CNNM2: variants seen among roughly 807,000 people sequenced by gnomAD.
CNNM2 encodes cyclin and CBS domain divalent metal cation transport mediator 2.
Under a neutral mutation model 66.9 loss-of-function variants are expected in CNNM2, and 12 were observed. That is an observed-to-expected ratio of 0.18 (90% CI 0.11 to 0.29). The LOEUF is 0.29. Ranked by LOEUF, CNNM2 falls within the 10% of genes least tolerant of loss-of-function variation. The pLI is 1.00. For missense variants in CNNM2, 705 were observed against 1,167.7 expected (o/e 0.60, Z 5.77); for synonymous variants, 557 against 501.8 (o/e 1.11, Z -1.47).
At chr10:102,985,159 C>G (rs1461172706) in intron 1 of CNNM2, among the ~76,000 whole-genome samples, 1 of 151,938 alleles carries the variant, frequency 6.6e-6, no homozygotes, top group Non-Finnish European at 1.5e-5. Context: ...TGTAGGAAAC[C>G]CTGGCAGACC....
chr10:102,944,024 A>G (rs946023459), intron 1 of CNNM2, among the ~76,000 whole-genome samples: 5 of 151,936 alleles, frequency 3.3e-5, no homozygotes, highest in African/African-American at 1.2e-4. Context: ...AAATTAACCT[A>G]CAATTAAAAC....
intron 1 of CNNM2, among the ~76,000 whole-genome samples, chr10:102,971,984 G>A (rs190643025): frequency 6.6e-6 from 1 of 152,102 alleles, no homozygotes; most frequent in East Asian, 1.9e-4. Context: ...TTAATTGGTT[G>A]CAGATCTTTA....
chr10:103,076,674 T>C (rs532009203), intron 7 of CNNM2, among the ~76,000 whole-genome samples: 1 of 152,346 alleles, frequency 6.6e-6, no homozygotes, highest in East Asian at 1.9e-4. Context: ...AGAGTACTCA[T>C]CTTGGTCTGA....
chr10:103,001,005 A>C (rs1401088842), intron 1 of CNNM2, among the ~76,000 whole-genome samples: 1 of 152,236 alleles, frequency 6.6e-6, no homozygotes, highest in African/African-American at 2.4e-5. Context: ...GTTCTGTTTT[A>C]GGAAGGAAGA....
At chr10:102,966,146 C>T (rs573176493) in intron 1 of CNNM2, among the ~76,000 whole-genome samples, 37 of 152,064 alleles carry the variant, frequency 2.4e-4, no homozygotes, top group African/African-American at 8.4e-4. Context: ...CAGCATTGAA[C>T]GTGATTTCTG....
At chr10:103,023,627 C>A (rs2064638192) in intron 1 of CNNM2, among the ~76,000 whole-genome samples, 1 of 152,158 alleles carries the variant, frequency 6.6e-6, no homozygotes, top group African/African-American at 2.4e-5. Context: ...GAGTCCACCC[C>A]CATGATCCAG....
chr10:102,948,678 T>A (rs755856188), intron 1 of CNNM2, among the ~76,000 whole-genome samples: 2 of 151,974 alleles, frequency 1.3e-5, no homozygotes, highest in African/African-American at 4.8e-5. Context: ...ATTATTAGAG[T>A]TGCATTTTCA....
chr10:102,926,232 G>A (rs1363861413), intron 1 of CNNM2, among the ~76,000 whole-genome samples: 1 of 152,192 alleles, frequency 6.6e-6, no homozygotes, highest in Non-Finnish European at 1.5e-5. Context: ...TTCTCACAGA[G>A]AATCATGCTG....
At chr10:103,023,286 T>A (rs1469331131) in intron 1 of CNNM2, among the ~76,000 whole-genome samples, 3 of 152,148 alleles carry the variant, frequency 2.0e-5, no homozygotes, top group Non-Finnish European at 4.4e-5. Context: ...GCGCAGTGGC[T>A]CATGCCTATA....
chr10:103,029,300 TAAAAAA>T (rs756251100), intron 1 of CNNM2, among the ~76,000 whole-genome samples: 2 of 122,316 alleles, frequency 1.6e-5, no homozygotes, highest in Non-Finnish European at 3.5e-5. Context: ...CATCTCTACT[TAAAAAA>T]AAAAAAAAAA....
At chr10:103,061,022 T>A (rs1323656564) in intron 4 of CNNM2, among the ~76,000 whole-genome samples, 1 of 152,178 alleles carries the variant, frequency 6.6e-6, no homozygotes, top group Non-Finnish European at 1.5e-5. Context: ...ATTCCTTACG[T>A]ACTTAAAAAG....
chr10:103,024,773 C>T (rs1056088164), intron 1 of CNNM2, among the ~76,000 whole-genome samples: 1 of 152,046 alleles, frequency 6.6e-6, no homozygotes, highest in African/African-American at 2.4e-5. Flanking sequence ...CCACCGCACC[C>T]GGCCGATATT....
intron 1 of CNNM2, among the ~76,000 whole-genome samples, chr10:103,022,925 A>G (rs2064617623): frequency 6.6e-6 from 1 of 151,788 alleles, no homozygotes; most frequent in Non-Finnish European, 1.5e-5. Flanking sequence ...TTTTTGAGAC[A>G]GGGTCTTACT....
intron 1 of CNNM2, among the ~76,000 whole-genome samples, chr10:102,973,820 C>G (rs1590333610): frequency 6.8e-6 from 1 of 147,536 alleles, no homozygotes; most frequent in Non-Finnish European, 1.5e-5. Context: ...ATGTATTCCC[C>G]CCCCCCCTTT....
At chr10:102,928,446 G>C (rs1206197666) in intron 1 of CNNM2, among the ~76,000 whole-genome samples, 1 of 152,100 alleles carries the variant, frequency 6.6e-6, no homozygotes, top group Non-Finnish European at 1.5e-5. Context: ...GCCAGCTGTG[G>C]TGGTGGGCGC....
At chr10:102,991,428 T>C (rs1448736635) in intron 1 of CNNM2, among the ~76,000 whole-genome samples, 1 of 152,200 alleles carries the variant, frequency 6.6e-6, no homozygotes, top group African/African-American at 2.4e-5. Context: ...TTTAGTAATA[T>C]TTCTTTTGGG....
rs764757429 is a variant in CNNM2, at chr10:102,919,808, C to A, written c.1328C>A (p.Thr443Asn). ...NIIQGALELR[T>N]KTVEDVMTPL... ...ATCCAAGGGGCGCTGGAGCTCCGCACCAAGACGGTGGAGGACGTGATGACC... is the reference window on the plus strand; with the variant it reads ...ATCCAAGGGGCGCTGGAGCTCCGCAACAAGACGGTGGAGGACGTGATGACC... Residue 443 changes from threonine (T) to asparagine (N), a missense_variant, in exon 1 of 8, where the codon ACC (threonine) becomes AAC (asparagine). Coordinates refer to ENST00000369878, the MANE Select transcript of CNNM2 (RefSeq NM_017649.5). The A allele has an allele frequency of 3.1e-6, 5 of 1,614,238 alleles. No individual in the cohort carries two copies. The highest frequency in any genetic ancestry group is 3.4e-6 in the Non-Finnish European group (4 of 1,180,032).
chr10:102,976,395 G>T, intron 1 of CNNM2, among the ~76,000 whole-genome samples: 1 of 123,496 alleles, frequency 8.1e-6, no homozygotes. Context: ...GTAACATTAT[G>T]TCTGTTACAG....
chr10:102,957,800 G>A (rs1295991461), intron 1 of CNNM2, among the ~76,000 whole-genome samples: 1 of 152,158 alleles, frequency 6.6e-6, no homozygotes, highest in Non-Finnish European at 1.5e-5. Flanking sequence ...TGTTAGGCTG[G>A]TAGATCGCTT....
Sources: allele counts gnomAD v4.1 joint callset (sites outside exome capture counted in the v4.1 genomes callset), GRCh38; gene constraint gnomAD v4.1.1; transcripts MANE v1.5; gene names NCBI Gene and HGNC (gene_info 2026-07-23, HGNC 2026-07-21).